Variants in FMN1 observed in about 807,000 individuals in gnomAD.
FMN1 encodes formin 1.
A neutral mutation model predicts 132.4 loss-of-function variants in FMN1; 110 were observed. The observed-to-expected ratio is 0.83, with a 90% CI of 0.71 to 0.97. The LOEUF (loss-of-function observed/expected upper bound fraction) is 0.97, where lower values mean the gene tolerates loss of function less well. Among genes scored for constraint, FMN1 ranks in the 50% least tolerant of loss-of-function variants. FMN1 has a pLI of 0.00. For missense variants in FMN1, 1,792 were observed against 1,705.3 expected (o/e 1.05, Z -0.90); for synonymous variants, 722 against 651.7 (o/e 1.11, Z -1.64).
chr15:33,102,675 T>C (rs345784), intron 4 of FMN1, among the ~76,000 whole-genome samples: 151,763 of 152,260 alleles, frequency 1, 75,633 homozygotes, highest in East Asian at 1. Context: ...TATATATGAC[T>C]CATGAGCAAA....
chr15:33,109,814 T>C (rs1329971905), intron 4 of FMN1, among the ~76,000 whole-genome samples: 2 of 150,310 alleles, frequency 1.3e-5, no homozygotes, highest in African/African-American at 4.9e-5. Context: ...AATCTTTACA[T>C]GTATCCCCAA....
intron 4 of FMN1, among the ~76,000 whole-genome samples, chr15:33,110,460 G>T (rs345767): frequency 0.34 from 49,622 of 148,078 alleles, 8,977 homozygotes; most frequent in East Asian, 0.67. Context: ...ATAATGGAAG[G>T]TTTTTTTCGT....
At chr15:33,185,032 C>T (rs186393289) in intron 2 of FMN1, among the ~76,000 whole-genome samples, 1 of 152,278 alleles carries the variant, frequency 6.6e-6, no homozygotes, top group Non-Finnish European at 1.5e-5. Context: ...CAGACTATGT[C>T]TAATGGGGTC....
In FMN1 at chr15:32,823,588, T is replaced by A. The variant is rs570205434; in HGVS notation, c.3929-19256A>T. Among the ~76,000 whole-genome samples the A allele has an allele frequency of 2.0e-5, 3 of 152,348 alleles. No homozygotes were observed. The East Asian group carries it at 5.8e-4, about 29-fold the overall frequency. On this transcript the variant is annotated intron_variant, in intron 17 of 20. Coordinates refer to ENST00000616417, the MANE Select transcript of FMN1 (RefSeq NM_001277313.2). The stretch of plus-strand genomic sequence containing the variant: ...GCTTAAATTTCAAAACTCAAAGTTT[T>A]AAGTTTCCTCTCACATACATTCTAT...
chr15:33,144,592 T>C (rs35414549), intron 4 of FMN1, among the ~76,000 whole-genome samples: 5,044 of 147,424 alleles, frequency 0.034, 142 homozygotes, highest in Middle Eastern at 0.066. Flanking sequence ...GAGCCGAGAT[T>C]GCGCCACTGC....
At chr15:33,171,859 C>T (rs1382242608) in intron 3 of FMN1, among the ~76,000 whole-genome samples, 1 of 152,136 alleles carries the variant, frequency 6.6e-6, no homozygotes, top group Non-Finnish European at 1.5e-5. Flanking sequence ...TATCACTAAA[C>T]GCCATTATAA....
rs538098215 is a variant in FMN1 at position 33,054,050 on chromosome 15, C to T, written c.2161+10907G>A. On this transcript the variant is annotated intron_variant, in intron 6 of 20. Coordinates refer to ENST00000616417, the MANE Select transcript of FMN1 (RefSeq NM_001277313.2). ...TGAGGAGGTGCTAAAAAATCCAACC[C>T]TCTAACGAAGATGTGAACCTTCCGG... Among the ~76,000 whole-genome samples the T allele has an allele frequency of 2.0e-5, 3 of 152,278 alleles. No individual in the cohort carries two copies. The South Asian group carries it at 6.2e-4, about 32-fold the overall frequency.
At chr15:33,121,222 T>C (rs1962523942) in intron 4 of FMN1, among the ~76,000 whole-genome samples, 1 of 152,226 alleles carries the variant, frequency 6.6e-6, no homozygotes, top group Non-Finnish European at 1.5e-5. Flanking sequence ...GTGGGTCCTG[T>C]GTCTTGAAAC....
At chr15:33,067,993 C>A in intron 5 of FMN1, 2 of 1,470,442 alleles carry the variant, frequency 1.4e-6, no homozygotes, top group Non-Finnish European at 8.9e-7. Flanking sequence ...GCAACAGGAC[C>A]CGGGAGTCAG....
chr15:32,893,347 G>C (rs557849053), intron 15 of FMN1, among the ~76,000 whole-genome samples: 1 of 152,250 alleles, frequency 6.6e-6, no homozygotes, highest in South Asian at 2.1e-4. Flanking sequence ...AACTTTATCA[G>C]ATTCAGTCCT....
In FMN1 at chr15:32,798,890, G is replaced by T; in HGVS notation, c.4044C>A (p.Pro1348=). The part of the protein sequence containing the change: ...KPKSGEKEIT[P]SYVFMVWYEF... ...CATACCACACCATAAACACGTAGCT[G>T]GGTGTGATCTCCTTCTCACCAGACT... Residue 1348 remains proline, a synonymous_variant, in exon 19 of 21, where the codon CCC becomes CCA. Coordinates refer to ENST00000616417, the MANE Select transcript of FMN1 (RefSeq NM_001277313.2). 6.2e-7 allele frequency: 1 copy of T among 1,613,140 alleles called. No homozygotes were observed. Among genetic ancestry groups the T allele is most frequent in the Non-Finnish European group, 8.5e-7 (1 of 1,179,406 alleles).
At chr15:32,844,872 T>C (rs942534159) in intron 17 of FMN1, among the ~76,000 whole-genome samples, 36 of 152,228 alleles carry the variant, frequency 2.4e-4, no homozygotes, top group Admixed American at 7.2e-4. Flanking sequence ...ATATACATAG[T>C]GCCAGGTTCT....
chr15:33,119,979 A>C (rs965143564), intron 4 of FMN1, among the ~76,000 whole-genome samples: 1 of 152,178 alleles, frequency 6.6e-6, no homozygotes, highest in Non-Finnish European at 1.5e-5. Flanking sequence ...AAGCGTCACA[A>C]CACCTCATTC....
intron 9 of FMN1, among the ~76,000 whole-genome samples, chr15:32,954,080 T>A (rs1401063777): frequency 1.3e-5 from 2 of 152,150 alleles, no homozygotes; most frequent in East Asian, 1.9e-4. Flanking sequence ...ATACAACAAC[T>A]ACAACAACTA....
intron 6 of FMN1, among the ~76,000 whole-genome samples, chr15:33,033,990 T>C (rs2036072719): frequency 6.6e-6 from 1 of 152,144 alleles, no homozygotes; most frequent in Admixed American, 6.5e-5. Context: ...CTCAGTCTCT[T>C]TCTGTTGCAG....
chr15:33,006,059 AATAAC>A (rs1424032956), intron 7 of FMN1, among the ~76,000 whole-genome samples: 2 of 152,216 alleles, frequency 1.3e-5, no homozygotes, highest in African/African-American at 4.8e-5. Context: ...TGCTACTTGC[AATAAC>A]ATAACATATA....
intron 17 of FMN1, among the ~76,000 whole-genome samples, chr15:32,852,112 T>G (rs923730632): frequency 6.6e-6 from 1 of 152,210 alleles, no homozygotes; most frequent in Non-Finnish European, 1.5e-5. Context: ...ACTTGAACCT[T>G]TGTCTCATCT....
chr15:32,811,981 G>A (rs1269652672), intron 17 of FMN1, among the ~76,000 whole-genome samples: 1 of 151,706 alleles, frequency 6.6e-6, no homozygotes, highest in African/African-American at 2.4e-5. Context: ...ATTTCTAGTT[G>A]CCCCTTAAGT....
At chr15:32,896,079 G>T (rs985740535) in intron 15 of FMN1, among the ~76,000 whole-genome samples, 2 of 152,000 alleles carry the variant, frequency 1.3e-5, no homozygotes, top group Non-Finnish European at 2.9e-5. Flanking sequence ...TCTGGTATGA[G>T]ATCTAGGAGA....
Sources: allele counts gnomAD v4.1 joint callset (sites outside exome capture counted in the v4.1 genomes callset), GRCh38; gene constraint gnomAD v4.1.1; transcripts MANE v1.5; gene names NCBI Gene and HGNC (gene_info 2026-07-23, HGNC 2026-07-21).